ADGRD1: variants seen among roughly 807,000 people sequenced by gnomAD.
ADGRD1 encodes the protein adhesion G protein-coupled receptor D1.
A neutral mutation model predicts 113.4 loss-of-function variants in ADGRD1; 77 were observed. The observed-to-expected ratio is 0.68, with a 90% CI of 0.57 to 0.82. The LOEUF (loss-of-function observed/expected upper bound fraction) is 0.82, where lower values mean the gene tolerates loss of function less well. Ranked by LOEUF, ADGRD1 falls within the 40% of genes least tolerant of loss-of-function variation. The pLI, the probability that ADGRD1 is intolerant of heterozygous loss-of-function variation, is 0.00. For missense variants in ADGRD1, 1,036 were observed against 1,139.1 expected (o/e 0.91, Z 1.30); for synonymous variants, 474 against 475.0 (o/e 1.00, Z 0.03).
intron 20 of ADGRD1, among the ~76,000 whole-genome samples, chr12:131,124,092 A>G (rs1490852180): frequency 1.3e-5 from 2 of 152,228 alleles, no homozygotes; most frequent in Non-Finnish European, 2.9e-5. Flanking sequence ...TGGAGGTTCC[A>G]GCCTACCCCT....
rs528613678 is a variant in ADGRD1 at position 131,113,770 on chromosome 12, C to T, written c.2042-4615C>T. On this transcript the variant is annotated intron_variant, in intron 18 of 24. Coordinates refer to ENST00000261654, the MANE Select transcript of ADGRD1 (RefSeq NM_198827.5). The surrounding 1 kb of genome is among the most constrained non-coding windows in gnomAD (Gnocchi z 4.9). ...ATCATCACGAGGATGCTTTTGCACA[C>T]GCTGGTCCTGAGGCCCGTGTCCTCT... Among the ~76,000 whole-genome samples, 38 of 152,256 alleles carry T rather than the reference C, an allele frequency of 2.5e-4. 1 individual carries two copies. Among genetic ancestry groups the T allele is most frequent in the African/African-American group, 8.7e-4 (36 of 41,552 alleles).
intron 24 of ADGRD1, among the ~76,000 whole-genome samples, chr12:131,138,548 G>T (rs1194849453): frequency 6.6e-6 from 1 of 152,164 alleles, no homozygotes; most frequent in East Asian, 1.9e-4. Context: ...GCCCAGGCAG[G>T]CCCCCAGGCA....
intron 14 of ADGRD1, among the ~76,000 whole-genome samples, chr12:131,080,905 C>T (rs1423565798): frequency 6.6e-6 from 1 of 152,218 alleles, no homozygotes; most frequent in Non-Finnish European, 1.5e-5. Context: ...CAGGCGTGAG[C>T]CACTGCACCC....
intron 15 of ADGRD1, among the ~76,000 whole-genome samples, chr12:131,094,583 C>CT (rs1167913242): frequency 1.4e-5 from 1 of 72,584 alleles, no homozygotes; most frequent in Admixed American, 2.2e-4. Context: ...TTCAGCAGCG[C>CT]CCCCCCGACT....
At chr12:131,044,491 C>G (rs1469275417) in intron 13 of ADGRD1, among the ~76,000 whole-genome samples, 1 of 152,222 alleles carries the variant, frequency 6.6e-6, no homozygotes, top group Non-Finnish European at 1.5e-5. Flanking sequence ...ACTGGCTCTG[C>G]ACCCTTTTTC....
chr12:131,043,447 G>A (rs977764503), intron 13 of ADGRD1, among the ~76,000 whole-genome samples: 2 of 152,238 alleles, frequency 1.3e-5, no homozygotes, highest in Non-Finnish European at 2.9e-5. Context: ...CAGCAGCCAC[G>A]CTCACTGCCC....
Position 131,027,181 on chromosome 12 carries a change from TTAAA to T in ADGRD1, c.1473+12845_1473+12848del, listed in dbSNP as rs1369277617. ...AGGATATTCCTACTCTGCAGGCTGT[TTAAA>T]TAACACACACACACGCACACACATG... On this transcript the variant is annotated intron_variant, in intron 13 of 24. Coordinates refer to ENST00000261654, the MANE Select transcript of ADGRD1 (RefSeq NM_198827.5). The surrounding 1 kb of genome is among the most constrained non-coding windows in gnomAD (Gnocchi z 5.1). The T allele has an allele frequency of 1.3e-5, 2 of 152,158 alleles. No individual in the cohort carries two copies. Among genetic ancestry groups the T allele is most frequent in the Admixed American group, 6.5e-5 (1 of 15,276 alleles). 9.4% of individuals were successfully genotyped at this position (152,158 alleles called of 1,614,324 possible). A position where few individuals can be genotyped will look rare whatever the true frequency, so the allele number is the denominator to read the frequency against.
At chr12:130,996,838 C>G (rs1413986930) in intron 8 of ADGRD1, among the ~76,000 whole-genome samples, 9 of 100,226 alleles carry the variant, frequency 9.0e-5, no homozygotes, top group East Asian at 3.4e-4. Context: ...GGGGGGCTGA[C>G]CCCCCCACCT....
chr12:131,070,595 CG>C (rs1291907790), intron 13 of ADGRD1: 1 of 269,404 alleles, frequency 3.7e-6, no homozygotes, highest in African/African-American at 2.2e-5. Context: ...TGCGGGGACT[CG>C]GTGCGGGAGA....
chr12:131,126,681 C>G (rs755719107), intron 20 of ADGRD1, among the ~76,000 whole-genome samples: 1 of 152,192 alleles, frequency 6.6e-6, no homozygotes, highest in Non-Finnish European at 1.5e-5. Flanking sequence ...ATAGTAGCCA[C>G]GAGACCTTTG....
intron 13 of ADGRD1, among the ~76,000 whole-genome samples, chr12:131,052,909 T>G (rs762257404): frequency 6.6e-6 from 1 of 152,170 alleles, no homozygotes; most frequent in Non-Finnish European, 1.5e-5. Context: ...CCCACATCTC[T>G]GCTTGTGGAG....
chr12:130,966,674 T>C lies in ADGRD1; in HGVS notation c.187+128T>C. ...GGGGGACGTGGGTGCTGAGAGTGAC[T>C]GTGGGCCGGGGAATCCCAGGGCCAT... On this transcript the variant is annotated intron_variant, in intron 3 of 24. Transcript: ENST00000261654. The surrounding 1 kb of genome is among the most constrained non-coding windows in gnomAD (Gnocchi z 4.6). 1 of 684,496 alleles carries C rather than the reference T, an allele frequency of 1.5e-6. No homozygotes were observed. The highest frequency in any genetic ancestry group is 1.6e-5 in the South Asian group (1 of 61,890). The allele number at this position is 684,496 out of a possible 1,614,324, so 42.4% of individuals were successfully genotyped here. A position where few individuals can be genotyped will look rare whatever the true frequency, so the allele number is the denominator to read the frequency against.
intron 15 of ADGRD1, among the ~76,000 whole-genome samples, chr12:131,091,473 G>C (rs781691235): frequency 2.0e-5 from 3 of 152,248 alleles, no homozygotes; most frequent in East Asian, 3.8e-4. Flanking sequence ...AACTGTGAAA[G>C]AATGGGGTTG....
chr12:131,076,714 T>A lies in ADGRD1; in HGVS notation c.1474-87T>A, dbSNP rs1204850144. 5.2e-6 allele frequency: 6 copies of A among 1,150,838 alleles called. No individual in the cohort carries two copies. The African/African-American group carries it at 7.6e-5, about 15-fold the overall frequency. 71.3% of individuals were successfully genotyped at this position (1,150,838 alleles called of 1,614,324 possible). A position where few individuals can be genotyped will look rare whatever the true frequency, so the allele number is the denominator to read the frequency against. The stretch of plus-strand genomic sequence containing the variant: ...CTGTCCCTACCTGAGGTCGCCCAGC[T>A]GTAAGGGTCTCGCTCTCACATCAGT... On this transcript the variant is annotated intron_variant, in intron 13 of 24. Transcript: ENST00000261654.
At chr12:131,032,308 T>A (rs1449076102) in intron 13 of ADGRD1, among the ~76,000 whole-genome samples, 1 of 152,216 alleles carries the variant, frequency 6.6e-6, no homozygotes, top group Non-Finnish European at 1.5e-5. Context: ...CAGCTTATTG[T>A]GCCACTCGCG....
intron 4 of ADGRD1, among the ~76,000 whole-genome samples, chr12:130,974,066 G>C (rs1872016997): frequency 6.6e-6 from 1 of 152,238 alleles, no homozygotes; most frequent in South Asian, 2.1e-4. Context: ...TGGGTCTTGA[G>C]TTCAGCCTCA....
intron 8 of ADGRD1, among the ~76,000 whole-genome samples, chr12:130,998,321 A>G (rs757319244): frequency 2.0e-4 from 31 of 152,132 alleles, no homozygotes; most frequent in Admixed American, 3.9e-4. Flanking sequence ...CCTGGTGTAG[A>G]CCTGTTTTGG....
At chr12:131,119,831 G>A (rs1311453546) in intron 19 of ADGRD1, among the ~76,000 whole-genome samples, 2 of 152,224 alleles carry the variant, frequency 1.3e-5, no homozygotes, top group East Asian at 3.9e-4. Context: ...TGGGTGTGCA[G>A]CCATGAATGA....
At chr12:131,018,413 C>G (rs936456541) in intron 13 of ADGRD1, among the ~76,000 whole-genome samples, 4 of 152,074 alleles carry the variant, frequency 2.6e-5, no homozygotes, top group Non-Finnish European at 5.9e-5. Context: ...CCTGGTGAAC[C>G]TTAGTCTTAG....
Sources: allele counts gnomAD v4.1 joint callset (sites outside exome capture counted in the v4.1 genomes callset), GRCh38; gene constraint gnomAD v4.1.1; non-coding constraint Gnocchi (gnomAD v3.1); transcripts MANE v1.5; gene names NCBI Gene and HGNC (gene_info 2026-07-23, HGNC 2026-07-21).